ST6GALNAC3: variants seen among roughly 807,000 people sequenced by gnomAD.
ST6GALNAC3 encodes the protein alpha-N-acetylgalactosaminide alpha-2,6-sialyltransferase 3.
ST6GALNAC3 carries 25 observed loss-of-function variants against 32.7 expected under a neutral mutation model. That is an observed-to-expected ratio of 0.76 (90% CI 0.56 to 1.07). The LOEUF (loss-of-function observed/expected upper bound fraction) is 1.07. Among genes scored for constraint, ST6GALNAC3 ranks in the 50% least tolerant of loss-of-function variants. The pLI is 0.00. For synonymous variants in ST6GALNAC3, 129 were observed against 133.1 expected (o/e 0.97, Z 0.21); for missense variants, 355 against 382.4 (o/e 0.93, Z 0.60).
chr1:76,128,171 GCATAC>G (rs571591170), intron 1 of ST6GALNAC3, among the ~76,000 whole-genome samples: 2 of 152,140 alleles, frequency 1.3e-5, no homozygotes, highest in Non-Finnish European at 2.9e-5. Context: ...GGAGACCTCA[GCATAC>G]AAGGTGCTTG....
intron 1 of ST6GALNAC3, among the ~76,000 whole-genome samples, chr1:76,306,369 A>G (rs564645529): frequency 7.9e-5 from 12 of 152,108 alleles, no homozygotes; most frequent in Admixed American, 5.9e-4. Context: ...CCACAATCCA[A>G]TGACCCTTTT....
rs72994596 is a variant in ST6GALNAC3, at chr1:76,180,133, A to G, written c.18+105249A>G. ...CACATTTTGTTTACTGCAGATCCCC[A>G]GTGTTTAAAAAGAACCTAGCACATA... On this transcript the variant is annotated intron_variant, in intron 1 of 4. Transcript: ENST00000328299. Among the ~76,000 whole-genome samples the G allele has an allele frequency of 7.1e-4, 108 of 152,334 alleles. 1 individual carries two copies. Among genetic ancestry groups the G allele is most frequent in the African/African-American group, 2.6e-3 (108 of 41,568 alleles).
chr1:76,368,558 A>G (rs1650570241), intron 2 of ST6GALNAC3, among the ~76,000 whole-genome samples: 1 of 151,672 alleles, frequency 6.6e-6, no homozygotes, highest in South Asian at 2.1e-4. Flanking sequence ...TCAGAGTATG[A>G]GCTTCCTAAG....
intron 3 of ST6GALNAC3, among the ~76,000 whole-genome samples, chr1:76,537,881 C>A (rs961726830): frequency 7.0e-6 from 1 of 143,784 alleles, no homozygotes; most frequent in Non-Finnish European, 1.5e-5. Context: ...AATTAATAGC[C>A]TACCAACCAA....
chr1:76,286,769 C>T (rs1659803218), intron 1 of ST6GALNAC3, among the ~76,000 whole-genome samples: 1 of 152,230 alleles, frequency 6.6e-6, no homozygotes, highest in Non-Finnish European at 1.5e-5. Context: ...GGCTCTAGAC[C>T]TAGGACAGCT....
chr1:76,378,831 A>T (rs918791438), intron 2 of ST6GALNAC3, among the ~76,000 whole-genome samples: 1 of 152,082 alleles, frequency 6.6e-6, no homozygotes, highest in Non-Finnish European at 1.5e-5. Flanking sequence ...TATTTCCTTC[A>T]TTCCCAACTT....
chr1:76,409,003 G>A (rs567956344), intron 2 of ST6GALNAC3, among the ~76,000 whole-genome samples: 34 of 152,192 alleles, frequency 2.2e-4, no homozygotes, highest in East Asian at 5.8e-4. Flanking sequence ...GCTGCAAGCC[G>A]TCTGGCAAGA....
At chr1:76,421,227 C>G (rs1655010428) in intron 3 of ST6GALNAC3, among the ~76,000 whole-genome samples, 1 of 151,990 alleles carries the variant, frequency 6.6e-6, no homozygotes, top group African/African-American at 2.4e-5. Flanking sequence ...GCCAAAGAGG[C>G]AAGTTCTAGG....
At chr1:76,271,857 G>A (rs1041734599) in intron 1 of ST6GALNAC3, among the ~76,000 whole-genome samples, 1 of 152,160 alleles carries the variant, frequency 6.6e-6, no homozygotes, top group African/African-American at 2.4e-5. Context: ...GATTTGGGAT[G>A]TATTTCAAAA....
At chr1:76,566,412 T>C (rs549864976) in intron 3 of ST6GALNAC3, among the ~76,000 whole-genome samples, 1 of 152,274 alleles carries the variant, frequency 6.6e-6, no homozygotes, top group East Asian at 1.9e-4. Flanking sequence ...TGGCTTCCCA[T>C]GGGACTCGGA....
intron 1 of ST6GALNAC3, among the ~76,000 whole-genome samples, chr1:76,285,833 G>A (rs1659743390): frequency 1.3e-5 from 2 of 152,042 alleles, no homozygotes; most frequent in Non-Finnish European, 1.5e-5. Flanking sequence ...GAGAAACAGG[G>A]ACAGAGAGAC....
chr1:76,415,794 G>A (rs1199271543), intron 3 of ST6GALNAC3, among the ~76,000 whole-genome samples: 1 of 152,012 alleles, frequency 6.6e-6, no homozygotes, highest in African/African-American at 2.4e-5. Flanking sequence ...CATTGCTACT[G>A]GATTGGTCTT....
Position 76,112,632 on chromosome 1 carries a change from CTGGG to C in ST6GALNAC3, c.18+37749_18+37752del, listed in dbSNP as rs1218182836. ...CCTCACTTCTCAGACGGGGCGGTTG[CTGGG>C]CGGAGGGGCTCCTCACTTCTCAGAT... is the stretch of plus-strand genomic sequence containing the variant. On this transcript the variant is annotated intron_variant, in intron 1 of 4. Transcript: ENST00000328299. Among the ~76,000 whole-genome samples, 984 of 150,420 alleles carry C rather than the reference CTGGG, an allele frequency of 6.5e-3. 25 individuals are homozygous for C. The highest frequency in any genetic ancestry group is 0.023 in the African/African-American group (945 of 40,538).
downstream of ST6GALNAC3, among the ~76,000 whole-genome samples, chr1:76,635,707 G>T (rs1292195411): frequency 6.6e-6 from 1 of 152,096 alleles, no homozygotes; most frequent in African/African-American, 2.4e-5. Flanking sequence ...TGTTTCCAAG[G>T]GTGACTCAGA....
intron 2 of ST6GALNAC3, among the ~76,000 whole-genome samples, chr1:76,314,739 G>A (rs1294915543): frequency 6.6e-6 from 1 of 152,178 alleles, no homozygotes; most frequent in Non-Finnish European, 1.5e-5. Context: ...TTTCTATGGA[G>A]TTGGATGAAT....
At chr1:76,152,388 G>T (rs946148834) in intron 1 of ST6GALNAC3, among the ~76,000 whole-genome samples, 2 of 152,210 alleles carry the variant, frequency 1.3e-5, no homozygotes, top group African/African-American at 4.8e-5. Flanking sequence ...AACATGTCCT[G>T]CCAGGTGGGT....
At chr1:76,492,595 C>A (rs142905667) in intron 3 of ST6GALNAC3, among the ~76,000 whole-genome samples, 1 of 152,220 alleles carries the variant, frequency 6.6e-6, no homozygotes, top group East Asian at 1.9e-4. Context: ...CCCGCCAACC[C>A]CCATGTTGTA....
rs1450852861 is a variant in ST6GALNAC3, at chr1:76,628,695, T to C, written c.807T>C (p.His269=). Reference sequence around the variant, plus strand: ...ATGAGTGTGATGAATATTTTCTTCATGAACATGCCCCATATGGGGGTCATA... The same window carrying C: ...ATGAGTGTGATGAATATTTTCTTCACGAACATGCCCCATATGGGGGTCATA... ...GRDECDEYFL[H]EHAPYGGHRF... The change falls in exon 5 of 5, where the codon CAT becomes CAC. Residue 269 remains histidine (H), a synonymous_variant. Coordinates refer to ENST00000328299, the MANE Select transcript of ST6GALNAC3 (RefSeq NM_152996.4). 1.2e-6 allele frequency: 2 copies of C among 1,612,488 alleles called. No homozygotes were observed. The highest frequency in any genetic ancestry group is 2.2e-5 in the East Asian group (1 of 44,836).
At chr1:76,480,181 CA>C (rs1345764981) in intron 3 of ST6GALNAC3, among the ~76,000 whole-genome samples, 2 of 152,084 alleles carry the variant, frequency 1.3e-5, no homozygotes, top group Non-Finnish European at 2.9e-5. Context: ...TATTATAGTG[CA>C]AATTAATATT....
Sources: allele counts gnomAD v4.1 joint callset (sites outside exome capture counted in the v4.1 genomes callset), GRCh38; gene constraint gnomAD v4.1.1; transcripts MANE v1.5; gene names NCBI Gene and HGNC (gene_info 2026-07-23, HGNC 2026-07-21).